Variants in WDR74 observed in about 807,000 individuals in gnomAD.
The protein encoded by WDR74 is WD repeat domain 74, also known as WD repeat-containing protein 74.
WDR74 carries 31 observed loss-of-function variants against 45.6 expected under a neutral mutation model. That is an observed-to-expected ratio of 0.68 (90% CI 0.51 to 0.92). WDR74 has a LOEUF of 0.92. Among genes scored for constraint, WDR74 ranks in the 40% least tolerant of loss-of-function variants. WDR74 has a pLI of 0.00. For missense variants in WDR74, 455 were observed against 497.2 expected, an observed-to-expected ratio of 0.92 and a Z score of 0.81; for synonymous variants, 191 against 192.4, an observed-to-expected ratio of 0.99 and a Z score of 0.06.
Position 62,833,145 on chromosome 11 carries a change from A to G in WDR74, c.979-14T>C. ...TTGGGGCTCATCCTGGTGAGTGGGA[A>G]GAAAGCTTAGGAGTCAGGGGGGCCG... is the stretch of plus-strand genomic sequence containing the variant. On this transcript the variant is annotated splice_polypyrimidine_tract_variant and intron_variant, in intron 10 of 10. Coordinates refer to ENST00000278856, the MANE Select transcript of WDR74 (RefSeq NM_001369450.1). 6.2e-7 allele frequency: 1 copy of G among 1,611,770 alleles called. No homozygotes were observed. The highest frequency in any genetic ancestry group is 8.5e-7 in the Non-Finnish European group (1 of 1,179,176).
rs767849189 is a variant in WDR74 at position 62,839,325 on chromosome 11, G to T, written c.168C>A (p.Thr56=). 33 of 1,610,476 alleles carry T rather than the reference G, an allele frequency of 2.0e-5. No homozygotes were observed. Among genetic ancestry groups the T allele is most frequent in the Non-Finnish European group, 2.8e-5 (33 of 1,179,546 alleles). The change falls in exon 2 of 11, where the codon ACC becomes ACA. Residue 56 remains threonine, a synonymous_variant. Coordinates refer to ENST00000278856, the MANE Select transcript of WDR74 (RefSeq NM_001369450.1). ...GGCCCGACCAGGGGCCACTCACCTG[G>T]GTCTCGCCGCCGGTGCCCCAACACA... ...SALCWGTGGE[T]QMLVGCADRT... is the part of the protein sequence containing the mutation.
upstream of WDR74, chr11:62,841,655 G>T (rs543432872): frequency 1.3e-5 from 2 of 152,202 alleles, no homozygotes; most frequent in South Asian, 2.1e-4. Context: ...TGCAATACCA[G>T]GTCGATGCGT....
chr11:62,841,488 A>G (rs145575371), upstream of WDR74: 96 of 152,310 alleles, frequency 6.3e-4, no homozygotes, highest in African/African-American at 2.2e-3. Flanking sequence ...CAAGACACTC[A>G]AACACGCGTC....
Position 62,835,421 on chromosome 11 carries a change from G to A in WDR74, c.618+10C>T, listed in dbSNP as rs1163783402. 5 of 1,612,522 alleles carry A rather than the reference G, an allele frequency of 3.1e-6. No individual in the cohort carries two copies. In the African/African-American group the frequency reaches 5.3e-5, roughly 17 times the overall value. The stretch of plus-strand genomic sequence containing the variant: ...TCCCAGGAGAAGGCAGGTGTGAGGT[G>A]ACACCTTACCTGGTGGTACCCTGTG... On this transcript the variant is annotated intron_variant, in intron 6 of 10. Coordinates refer to ENST00000278856, the MANE Select transcript of WDR74 (RefSeq NM_001369450.1).
rs2085011027 is a variant in WDR74, at chr11:62,839,370, G to C, written c.123C>G (p.Arg41=). The C allele has an allele frequency of 4.3e-6, 7 of 1,612,246 alleles. No homozygotes were observed. The highest frequency in any genetic ancestry group is 5.9e-6 in the Non-Finnish European group (7 of 1,179,782). ...ANFTAGGQPR[R]EEAVSALCWG... The stretch of plus-strand genomic sequence containing the variant: ...AACACAGGGCGCTCACTGCCTCCTC[G>C]CGCCGCGGCTGTCCTCCGGCCGTGA... Residue 41 remains arginine (R), a synonymous_variant, in exon 2 of 11, where the codon CGC becomes CGG. Transcript: ENST00000278856.
upstream of WDR74, among the ~76,000 whole-genome samples, chr11:62,841,010 C>A (rs1194161976): frequency 2.0e-5 from 3 of 149,024 alleles, no homozygotes; most frequent in Non-Finnish European, 4.4e-5. Flanking sequence ...CGTTGTGAAA[C>A]CCTGTCTCCA....
intron 10 of WDR74, 143 bp from the exon 11 acceptor site, chr11:62,833,274 C>CCCATCT: frequency 1.8e-6 from 1 of 545,984 alleles, no homozygotes; most frequent in Non-Finnish European, 3.0e-6. Context: ...ATAAGGAGAC[C>CCCATCT]CCATCTCCAC....
At chr11:62,836,311 T>TGAGGAAATA (rs2084959274) in intron 3 of WDR74, 1 of 399,012 alleles carries the variant, frequency 2.5e-6, no homozygotes, top group African/African-American at 2.0e-5. Context: ...GTTTACCAAG[T>TGAGGAAATA]GAGGAAATAG....
chr11:62,833,476 A>T, intron 10 of WDR74, 142 bp downstream of exon 10: 1 of 1,036,238 alleles, frequency 9.7e-7, no homozygotes, highest in Non-Finnish European at 1.4e-6. Flanking sequence ...TTTAACTGTT[A>T]ATGCCTCTCA....
upstream of WDR74, chr11:62,841,755 A>G (rs1228288499): frequency 8.5e-5 from 13 of 152,250 alleles, no homozygotes; most frequent in East Asian, 1.9e-4. Flanking sequence ...ATCAGATATT[A>G]AACTGATAAG....
intron 3 of WDR74, 131 bp from the exon 4 acceptor site, chr11:62,836,167 C>G (rs1240213146): frequency 6.5e-6 from 6 of 921,006 alleles, no homozygotes; most frequent in Non-Finnish European, 1.0e-5. Flanking sequence ...TCTCTAGGCC[C>G]CAAACTCATA....
chr11:62,833,741 G>T, intron 9 of WDR74, 51 bp downstream of exon 9: 1 of 1,602,840 alleles, frequency 6.2e-7, no homozygotes, highest in Non-Finnish European at 8.5e-7. Flanking sequence ...GAGGGCACAG[G>T]AGGCGGGGCC....
At chr11:62,841,738 A>T (rs941237374), upstream of WDR74, 1 of 152,182 alleles carries the variant, frequency 6.6e-6, no homozygotes, top group Admixed American at 6.5e-5. Context: ...CCTCGGATAG[A>T]GGACGTATCA....
intron 5 of WDR74, 38 bp downstream of exon 5, chr11:62,835,657 G>A (rs745499607): frequency 3.7e-6 from 6 of 1,613,766 alleles, no homozygotes; most frequent in South Asian, 3.3e-5. Flanking sequence ...AGCCTCCCTC[G>A]ACTTCAGGAA....
chr11:62,835,559 G>A (rs769153684), intron 5 of WDR74, 27 bp from the exon 6 acceptor site: 17 of 1,613,376 alleles, frequency 1.1e-5, no homozygotes, highest in Middle Eastern at 3.3e-4. Context: ...ATGGAGGACA[G>A]GGCTATGGGG....
rs749952763 is a variant in WDR74, at chr11:62,835,885, C to T, written c.370-44G>A. 3.1e-6 allele frequency: 5 copies of T among 1,591,518 alleles called. No homozygotes were observed. In the Admixed American group the frequency reaches 9.0e-5, roughly 29 times the overall value. ...AAGAGTCCGTTCCAGAGTCCTTAAT[C>T]CTCCCTTCCCCAGCGTGATCATTAG... On this transcript the variant is annotated intron_variant, in intron 4 of 10. Transcript: ENST00000278856.
chr11:62,834,348 A>G lies in WDR74; in HGVS notation c.720-17T>C. 1.2e-6 allele frequency: 2 copies of G among 1,613,764 alleles called. No individual in the cohort carries two copies. The highest frequency in any genetic ancestry group is 1.7e-6 in the Non-Finnish European group (2 of 1,179,882). On this transcript the variant is annotated splice_polypyrimidine_tract_variant and intron_variant, in intron 7 of 10. Transcript: ENST00000278856. ...ATCACTGAGCTGAGGATGAGACCAG[A>G]GGCAAGTGGGATCAGCAGTAACCTC...
rs368591562 is a variant in WDR74, at chr11:62,839,539, A to G, written c.32T>C (p.Val11Ala). ...GATCCCAGTCTCGGTGCCGACCCAC[A>G]CATGGTTCCAGCGTGCAGCAGCAGC... MAAAAARWNH[V>A]WVGTETGILK... The change falls in exon 1 of 11, where the codon GTG (valine) becomes GCG (alanine). Residue 11 changes from valine (V) to alanine (A), a missense_variant. Transcript: ENST00000278856. 1.2e-6 allele frequency: 2 copies of G among 1,613,112 alleles called. No individual in the cohort carries two copies. The highest frequency in any genetic ancestry group is 2.7e-5 in the African/African-American group (2 of 74,876).
At position 62,839,535 on chromosome 11, in the gene WDR74, C is replaced by G; in HGVS notation, c.36G>C (p.Trp12Cys). ...TCAAGATCCCAGTCTCGGTGCCGAC[C>G]CACACATGGTTCCAGCGTGCAGCAG... ...AAAAARWNHV[W>C]VGTETGILKG... Residue 12 changes from tryptophan (W) to cysteine (C), a missense_variant, in exon 1 of 11, where the codon TGG (tryptophan) becomes TGC (cysteine). Coordinates refer to ENST00000278856, the MANE Select transcript of WDR74 (RefSeq NM_001369450.1). The G allele has an allele frequency of 6.2e-7, 1 of 1,613,506 alleles. No homozygotes were observed. The highest frequency in any genetic ancestry group is 8.5e-7 in the Non-Finnish European group (1 of 1,179,800).
Sources: allele counts gnomAD v4.1 joint callset (sites outside exome capture counted in the v4.1 genomes callset), GRCh38; gene constraint gnomAD v4.1.1; transcripts MANE v1.5; gene names NCBI Gene and HGNC (gene_info 2026-07-23, HGNC 2026-07-21).